FOXN3: variants seen among roughly 807,000 people sequenced by gnomAD.
FOXN3 encodes forkhead box protein N3.
Under a neutral mutation model 38.4 loss-of-function variants are expected in FOXN3, and 7 were observed. The observed-to-expected ratio is 0.18, with a 90% CI of 0.10 to 0.34. The LOEUF is 0.34. Ranked by LOEUF, FOXN3 falls within the 10% of genes least tolerant of loss-of-function variation. FOXN3 has a pLI of 1.00. For missense variants in FOXN3, 456 were observed against 613.4 expected, an observed-to-expected ratio of 0.74 and a Z score of 2.71; for synonymous variants, 230 against 242.2, an observed-to-expected ratio of 0.95 and a Z score of 0.47.
intron 1 of FOXN3, among the ~76,000 whole-genome samples, chr14:89,515,927 T>G (rs901174205): frequency 6.6e-6 from 1 of 152,124 alleles, no homozygotes; most frequent in Non-Finnish European, 1.5e-5. Flanking sequence ...GACGGTGTGG[T>G]TGCCTCTGGA....
intron 1 of FOXN3, among the ~76,000 whole-genome samples, chr14:89,529,847 G>A (rs2139834116): frequency 6.6e-6 from 1 of 152,192 alleles, no homozygotes; most frequent in South Asian, 2.1e-4. Flanking sequence ...ATGTGAAGTT[G>A]CAGCGAGCTA....
chr14:89,292,582 G>A (rs991364611), intron 3 of FOXN3, among the ~76,000 whole-genome samples: 1 of 152,158 alleles, frequency 6.6e-6, no homozygotes, highest in Non-Finnish European at 1.5e-5. Context: ...CTTAAAGGAG[G>A]GAGCCACCCC....
intron 1 of FOXN3, among the ~76,000 whole-genome samples, chr14:89,472,368 G>A (rs535190592): frequency 6.6e-6 from 1 of 152,080 alleles, no homozygotes; most frequent in East Asian, 1.9e-4. Flanking sequence ...CAACTCAGCC[G>A]CCCAGAAGTG....
At chr14:89,585,852 G>A (rs992858512) in intron 1 of FOXN3, among the ~76,000 whole-genome samples, 2 of 152,056 alleles carry the variant, frequency 1.3e-5, no homozygotes, top group African/African-American at 2.4e-5. Context: ...AAGATGAAGA[G>A]CGTTTGGCAA....
chr14:89,395,990 T>G (rs1413007720), intron 2 of FOXN3, among the ~76,000 whole-genome samples: 1 of 152,126 alleles, frequency 6.6e-6, no homozygotes, highest in African/African-American at 2.4e-5. Flanking sequence ...GATCAGGTCC[T>G]TTGCTCACCA....
rs545231731 is a variant in FOXN3 at position 89,398,369 on chromosome 14, A to T, written c.543+13565T>A. ...AACTTGTATTGGACAGCTGACATTT[A>T]TTTCTGTCTGGATCGGGGGCTAGAG... On this transcript the variant is annotated intron_variant, in intron 2 of 5. Coordinates refer to ENST00000557258, the MANE Select transcript of FOXN3 (RefSeq NM_005197.4). 2.0e-5 allele frequency among the ~76,000 whole-genome samples: 3 copies of T among 152,290 alleles called. No homozygotes were observed. The East Asian group carries it at 5.8e-4, about 29-fold the overall frequency.
At chr14:89,403,066 A>C (rs1002113673) in intron 2 of FOXN3, among the ~76,000 whole-genome samples, 11 of 152,206 alleles carry the variant, frequency 7.2e-5, no homozygotes, top group African/African-American at 2.7e-4. Context: ...AATGATACCA[A>C]TCTCACACTG....
At chr14:89,364,345 GT>G (rs1177009704) in intron 2 of FOXN3, 2 of 102,400 alleles carry the variant, frequency 2.0e-5, no homozygotes, top group East Asian at 2.9e-4. Context: ...CTTTTTGTTT[GT>G]TTTTTTGTTT....
At chr14:89,599,381 T>C (rs1008374830) in intron 1 of FOXN3, among the ~76,000 whole-genome samples, 10 of 152,320 alleles carry the variant, frequency 6.6e-5, no homozygotes, top group Admixed American at 3.9e-4. Flanking sequence ...TTAACTGCAG[T>C]AATTGTATTT....
chr14:89,344,267 GA>G (rs58685122), intron 3 of FOXN3, among the ~76,000 whole-genome samples: 35,356 of 130,696 alleles, frequency 0.27, 4,177 homozygotes, highest in African/African-American at 0.31. Context: ...GCTCATTAAA[GA>G]AAAAAAAAAA....
chr14:89,223,108 T>C (rs1323865168), intron 4 of FOXN3: 1 of 152,186 alleles, frequency 6.6e-6, no homozygotes, highest in Admixed American at 6.5e-5. Flanking sequence ...GAGAGCCAGA[T>C]TTACTTACTG....
chr14:89,472,785 T>C (rs922919320), intron 1 of FOXN3, among the ~76,000 whole-genome samples: 9 of 151,648 alleles, frequency 5.9e-5, no homozygotes, highest in African/African-American at 1.7e-4. Flanking sequence ...AGGAACTCAG[T>C]TGGTCATTAT....
intron 2 of FOXN3, among the ~76,000 whole-genome samples, chr14:89,373,182 A>AG (rs760869878): frequency 7.9e-5 from 12 of 152,174 alleles, no homozygotes; most frequent in Non-Finnish European, 1.8e-4. Context: ...AAGAAAAAAA[A>AG]CAATTAAATG....
At chr14:89,569,279 A>C (rs1447008639) in intron 1 of FOXN3, among the ~76,000 whole-genome samples, 2 of 143,070 alleles carry the variant, frequency 1.4e-5, no homozygotes, top group Non-Finnish European at 3.0e-5. Context: ...AAATGCATGG[A>C]GGGTGGGGGT....
At chr14:89,207,507 A>T (rs1419609077) in intron 4 of FOXN3, among the ~76,000 whole-genome samples, 1 of 152,210 alleles carries the variant, frequency 6.6e-6, no homozygotes, top group Non-Finnish European at 1.5e-5. Flanking sequence ...CATACAGAAG[A>T]AATTATATGA....
intron 1 of FOXN3, among the ~76,000 whole-genome samples, chr14:89,497,854 C>G (rs1373169412): frequency 1.3e-5 from 2 of 152,292 alleles, no homozygotes; most frequent in East Asian, 3.9e-4. Flanking sequence ...TACATTCCTA[C>G]AGCGGTGTCC....
At chr14:89,498,838 A>C (rs1387039801) in intron 1 of FOXN3, among the ~76,000 whole-genome samples, 3 of 150,644 alleles carry the variant, frequency 2.0e-5, no homozygotes, top group Non-Finnish European at 1.5e-5. Flanking sequence ...GGTGGGGGGA[A>C]CTGGGTGCTT....
chr14:89,169,170 G>A (rs961019175), intron 5 of FOXN3, among the ~76,000 whole-genome samples: 17 of 152,172 alleles, frequency 1.1e-4, no homozygotes, highest in African/African-American at 3.9e-4. Flanking sequence ...GCTGGGTGCT[G>A]TAGCTCATAT....
chr14:89,598,900 G>A (rs1290934862), intron 1 of FOXN3, among the ~76,000 whole-genome samples: 2 of 152,046 alleles, frequency 1.3e-5, no homozygotes, highest in African/African-American at 2.4e-5. Flanking sequence ...TACTTATCCT[G>A]CTTGGTGCCC....
Sources: allele counts gnomAD v4.1 joint callset (sites outside exome capture counted in the v4.1 genomes callset), GRCh38; gene constraint gnomAD v4.1.1; transcripts MANE v1.5; gene names NCBI Gene and HGNC (gene_info 2026-07-23, HGNC 2026-07-21).